The following NUDCD1 variants were observed in gnomAD, a reference collection of about 807,000 sequenced individuals.
The protein encoded by NUDCD1 is nudC domain-containing protein 1.
A neutral mutation model predicts 67.8 loss-of-function variants in NUDCD1; 60 were observed. The ratio of observed to expected loss-of-function variants is 0.88; its 90% CI spans 0.72 to 1.10. NUDCD1 has a LOEUF of 1.10. NUDCD1 is among the 50% of genes least tolerant of loss of function. NUDCD1 has a pLI of 0.00. For synonymous variants in NUDCD1, 244 were observed against 230.8 expected, an observed-to-expected ratio of 1.06 and a Z score of -0.52; for missense variants, 643 against 695.0, an observed-to-expected ratio of 0.93 and a Z score of 0.84.
At chr8:109,279,551 T>C (rs1054285231) in intron 6 of NUDCD1, among the ~76,000 whole-genome samples, 11 of 152,236 alleles carry the variant, frequency 7.2e-5, no homozygotes, top group Admixed American at 7.2e-4. Context: ...TACCTTTTTG[T>C]TCTCTTAATG....
chr8:109,290,442 A>G (rs1038790493), intron 4 of NUDCD1, among the ~76,000 whole-genome samples: 2 of 152,116 alleles, frequency 1.3e-5, no homozygotes, highest in African/African-American at 4.8e-5. Context: ...CAGGTATGTG[A>G]TAAGTTTCTT....
At chr8:109,270,076 G>GT (rs1429052064) in intron 8 of NUDCD1, among the ~76,000 whole-genome samples, 3 of 81,874 alleles carry the variant, frequency 3.7e-5, no homozygotes, top group South Asian at 6.0e-4. Flanking sequence ...GCGGGGGGGG[G>GT]GGGGGGTGCC....
In NUDCD1 at chr8:109,245,369, C is replaced by T. The variant is rs1385598049; in HGVS notation, c.1412G>A (p.Ser471Asn). 6.2e-7 allele frequency: 1 copy of T among 1,613,828 alleles called. No homozygotes were observed. Among genetic ancestry groups the T allele is most frequent in the East Asian group, 2.2e-5 (1 of 44,846 alleles). ...GTGCTCCCACATATCATCTTGTTTG[C>T]TGGAGTGTGGTTGCCAGAGTAGGGC... is the stretch of plus-strand genomic sequence containing the variant. ...VDALLWQPHS[S>N]KQDDMWEHIA... is the part of the protein sequence containing the mutation. The change falls in exon 9 of 10, where the codon AGC becomes AAC. Residue 471 changes from serine (S) to asparagine (N), a missense_variant. Coordinates refer to ENST00000239690, the MANE Select transcript of NUDCD1 (RefSeq NM_032869.4).
chr8:109,287,707 C>T (rs927202982), intron 5 of NUDCD1, among the ~76,000 whole-genome samples: 2 of 152,032 alleles, frequency 1.3e-5, no homozygotes, highest in Non-Finnish European at 2.9e-5. Flanking sequence ...CAGGATCATT[C>T]GTACTCCAAA....
chr8:109,312,238 T>A (rs773498240), intron 2 of NUDCD1, among the ~76,000 whole-genome samples: 2 of 148,008 alleles, frequency 1.4e-5, no homozygotes, highest in African/African-American at 5.0e-5. Context: ...GAGGCAGAGT[T>A]TGCAGTGAGC....
At chr8:109,322,174 C>T (rs141042782) in intron 2 of NUDCD1, 135 bp downstream of exon 2, 122 of 470,882 alleles carry the variant, frequency 2.6e-4, no homozygotes, top group Middle Eastern at 1.8e-3. Flanking sequence ...TGGAGTATTA[C>T]GTAGATAGGA....
rs35856577 is a variant in NUDCD1, at chr8:109,249,847, C to CTTT, written c.1300-4369_1300-4367dup. Among the ~76,000 whole-genome samples the CTTT allele has an allele frequency of 6.8e-3, 909 of 133,904 alleles. 10 individuals are homozygous for CTTT. The highest frequency in any genetic ancestry group is 0.021 in the African/African-American group (741 of 36,030). The allele number at this position is 133,904 out of a possible 152,430, so 87.8% of individuals were successfully genotyped here. A position where few individuals can be genotyped will look rare whatever the true frequency, so the allele number is the denominator to read the frequency against. On this transcript the variant is annotated intron_variant, in intron 8 of 9. Coordinates refer to ENST00000239690, the MANE Select transcript of NUDCD1 (RefSeq NM_032869.4). ...GAGATATATAAAGAATTGTTGAATT[C>CTTT]TTTTTTTTTTTTTTTTGAGATGGGG...
intron 8 of NUDCD1, among the ~76,000 whole-genome samples, chr8:109,263,808 C>T (rs1399334576): frequency 6.6e-6 from 1 of 152,066 alleles, no homozygotes; most frequent in African/African-American, 2.4e-5. Context: ...TGCTTTCTCC[C>T]TATTTTTAAA....
chr8:109,252,089 G>A (rs185554549), intron 8 of NUDCD1, among the ~76,000 whole-genome samples: 2 of 152,236 alleles, frequency 1.3e-5, no homozygotes, highest in East Asian at 3.9e-4. Context: ...GTTCACCTCA[G>A]AGTCTATGCT....
chr8:109,295,100 T>C (rs1224837724), intron 3 of NUDCD1, among the ~76,000 whole-genome samples: 2 of 152,102 alleles, frequency 1.3e-5, no homozygotes, highest in Non-Finnish European at 1.5e-5. Flanking sequence ...TAAATTTATT[T>C]AAAAGATACT....
chr8:109,324,483 T>C (rs1178198721), intron 1 of NUDCD1, among the ~76,000 whole-genome samples: 1 of 151,948 alleles, frequency 6.6e-6, no homozygotes, highest in East Asian at 1.9e-4. Flanking sequence ...ATAGCCATTA[T>C]GGAAAATAGT....
At chr8:109,276,456 T>C (rs1023633104) in intron 6 of NUDCD1, among the ~76,000 whole-genome samples, 1 of 152,184 alleles carries the variant, frequency 6.6e-6, no homozygotes, top group African/African-American at 2.4e-5. Flanking sequence ...AAGAATACAA[T>C]AATAACTATT....
intron 5 of NUDCD1, among the ~76,000 whole-genome samples, chr8:109,283,975 G>A (rs984134356): frequency 7.1e-6 from 1 of 140,294 alleles, no homozygotes; most frequent in Non-Finnish European, 1.5e-5. Context: ...AAGGCACAGA[G>A]TAGAAAGCTG....
chr8:109,316,786 A>T (rs1815408218), intron 2 of NUDCD1, among the ~76,000 whole-genome samples: 1 of 152,238 alleles, frequency 6.6e-6, no homozygotes, highest in Non-Finnish European at 1.5e-5. Context: ...GATAAAATGC[A>T]GGTTCCCAGT....
At chr8:109,324,490 T>C (rs531361322) in intron 1 of NUDCD1, among the ~76,000 whole-genome samples, 12 of 151,072 alleles carry the variant, frequency 7.9e-5, no homozygotes, top group African/African-American at 2.4e-5. Flanking sequence ...TTATGGAAAA[T>C]AGTAAAGAGG....
At chr8:109,288,192 T>C (rs1814619719) in intron 5 of NUDCD1, among the ~76,000 whole-genome samples, 1 of 152,214 alleles carries the variant, frequency 6.6e-6, no homozygotes, top group African/African-American at 2.4e-5. Flanking sequence ...GAACTCAAGA[T>C]ACAGCATGAG....
In NUDCD1 at chr8:109,268,546, T is replaced by A. The variant is rs560484954; in HGVS notation, c.1299+2459A>T. On this transcript the variant is annotated intron_variant, in intron 8 of 9. Coordinates refer to ENST00000239690, the MANE Select transcript of NUDCD1 (RefSeq NM_032869.4). ...GGTATCTTAGTGACCAACATTAAAC[T>A]ACTGATCAACAATACTTAGGAGTAC... Among the ~76,000 whole-genome samples, 4 of 152,294 alleles carry A rather than the reference T, an allele frequency of 2.6e-5. No individual in the cohort carries two copies. The South Asian group carries it at 8.3e-4, about 32-fold the overall frequency.
intron 6 of NUDCD1, among the ~76,000 whole-genome samples, chr8:109,277,430 G>A (rs754783097): frequency 1.3e-5 from 2 of 151,440 alleles, no homozygotes; most frequent in African/African-American, 2.4e-5. Flanking sequence ...GCATTTGTAC[G>A]TTTTAAAACT....
chr8:109,333,675 G>A (rs1270829517), intron 1 of NUDCD1, among the ~76,000 whole-genome samples: 1 of 152,216 alleles, frequency 6.6e-6, no homozygotes, highest in Non-Finnish European at 1.5e-5. Context: ...CTGACGGAGG[G>A]GGCCCAGGGT....
Sources: gnomAD v4.1 joint callset for allele counts (sites outside exome capture counted in the v4.1 genomes callset) on GRCh38, gnomAD v4.1.1 for gene constraint, MANE v1.5 for transcripts, NCBI Gene and HGNC (gene_info 2026-07-23, HGNC 2026-07-21) for gene names.